The following CMC4 variants were observed in gnomAD, a reference collection of about 807,000 sequenced individuals.
CMC4 encodes cx9C motif-containing protein 4.
A neutral mutation model predicts 5.1 loss-of-function variants in CMC4; 4 were observed. The ratio of observed to expected loss-of-function variants is 0.78; its 90% CI spans 0.38 to 1.78. The LOEUF (loss-of-function observed/expected upper bound fraction) is 1.78, where lower values mean the gene tolerates loss of function less well. CMC4 is among the 40% of genes most tolerant of loss of function. The pLI is 0.04. For synonymous variants in CMC4, 23 were observed against 18.9 expected (o/e 1.22, Z -0.57); for missense variants, 52 against 51.3 (o/e 1.01, Z -0.04).
chrX:155,066,444 A>G (rs1251339383), intron 1 of CMC4, among the ~76,000 whole-genome samples: 2 of 112,550 alleles, frequency 1.8e-5, no homozygotes, highest in Non-Finnish European at 3.8e-5. Context: ...TTTGGCAGGA[A>G]GGCAGTATAA....
chrX:155,064,191 CTG>C, intron 1 of CMC4, 158 bp from the exon 2 acceptor site: 1 of 351,464 alleles, frequency 2.8e-6, no homozygotes, highest in Non-Finnish European at 5.0e-6. Context: ...GATGAATCAA[CTG>C]TATTTTTATA....
chrX:155,067,563 T>G (rs782740029), intron 1 of CMC4, among the ~76,000 whole-genome samples: 1 of 112,334 alleles, frequency 8.9e-6, no homozygotes, highest in East Asian at 2.8e-4. Context: ...CCTATCTTAG[T>G]GCTATTATAG....
chrX:155,068,291 G>C (rs2073956584), intron 1 of CMC4, among the ~76,000 whole-genome samples: 1 of 112,465 alleles, frequency 8.9e-6, no homozygotes, highest in African/African-American at 3.2e-5. Context: ...ATGATGGTCT[G>C]AGTTACTGAG....
intron 1 of CMC4, among the ~76,000 whole-genome samples, chrX:155,068,971 T>C (rs1219165018): frequency 8.9e-6 from 1 of 112,402 alleles, no homozygotes; most frequent in Non-Finnish European, 1.9e-5. Flanking sequence ...GATAACTGCA[T>C]AACTTTATCA....
At chrX:155,064,654 A>C (rs1557291888) in intron 1 of CMC4, 2 of 112,302 alleles carry the variant, frequency 1.8e-5, no homozygotes, top group Non-Finnish European at 1.9e-5. Context: ...CTTCCTGAGA[A>C]AGGTGCCAGT....
At chrX:155,065,261 C>T (rs1602749185) in intron 1 of CMC4, 1 of 432,017 alleles carries the variant, frequency 2.3e-6, no homozygotes, top group East Asian at 3.8e-5. Flanking sequence ...ATGACCCTTG[C>T]TAAACTTCTG....
chrX:155,066,593 T>C (rs2073949232), intron 1 of CMC4, among the ~76,000 whole-genome samples: 1 of 112,181 alleles, frequency 8.9e-6, no homozygotes, highest in Admixed American at 9.4e-5. Context: ...AAATGATCTA[T>C]TTATCAGTTT....
At chrX:155,065,653 T>C (rs782003255) in intron 1 of CMC4, 12 of 1,208,750 alleles carry the variant, frequency 9.9e-6, no homozygotes, top group East Asian at 8.9e-5. Context: ...CAAGCGAGAG[T>C]TGTTATCCAT....
chrX:155,070,071 C>T (rs1371372694), intron 1 of CMC4, among the ~76,000 whole-genome samples: 3 of 112,122 alleles, frequency 2.7e-5, no homozygotes, highest in Non-Finnish European at 5.6e-5. Flanking sequence ...AAAGATGTGC[C>T]ATGTGATCCT....
Position 155,071,073 on chromosome X carries a change from G to C in CMC4, c.-390C>G, listed in dbSNP as rs1439557309. On this transcript the variant is annotated 5_prime_UTR_variant, in exon 1 of 3. Coordinates refer to ENST00000369484, the MANE Select transcript of CMC4 (RefSeq NM_001018024.3). ...GCGCACGGGTCTCCTTAGCGGGCGG[G>C]CAAAATGGGCGCCGGTACTCGGGAG... is the stretch of plus-strand genomic sequence containing the variant. 1 of 111,965 alleles carries C rather than the reference G, an allele frequency of 8.9e-6. No individual in the cohort carries two copies. Among genetic ancestry groups the C allele is most frequent in the Non-Finnish European group, 1.9e-5 (1 of 52,782 alleles). The allele number at this position is 111,965 out of a possible 1,213,427, so 9.2% of individuals were successfully genotyped here.
At chrX:155,068,791 C>T in intron 1 of CMC4, among the ~76,000 whole-genome samples, 1 of 112,423 alleles carries the variant, frequency 8.9e-6, no homozygotes, top group Non-Finnish European at 1.9e-5. Flanking sequence ...TTTATTTGCA[C>T]ATGATACTTG....
chrX:155,065,800 G>C, intron 1 of CMC4: 1 of 1,207,895 alleles, frequency 8.3e-7, no homozygotes, highest in Non-Finnish European at 1.1e-6. Context: ...CTAATGGAAA[G>C]GAATGATCAA....
At position 155,061,887 on chromosome X, in the gene CMC4, T is replaced by C. The variant is rs1557291638; in HGVS notation, c.163A>G (p.Lys55Glu). 8.3e-7 allele frequency: 1 copy of C among 1,211,068 alleles called. No individual in the cohort carries two copies. Among genetic ancestry groups the C allele is most frequent in the Admixed American group, 2.2e-5 (1 of 45,954 alleles). Residue 55 changes from lysine to glutamate, a missense_variant, in exon 3 of 3, where the codon AAA becomes GAA. Lys to Glu is a moderately conservative substitution (Grantham distance 56). Transcript: ENST00000369484. ...GRSVVCSGFE[K>E]EEEENLTRKS... ...CGTGTTAGGTTTTCTTCCTCTTCTT[T>C]TTCAAATCCTGAACAGACGACAGAT...
intron 2 of CMC4, 107 bp from the exon 3 acceptor site, chrX:155,062,098 T>A: frequency 2.5e-6 from 2 of 796,580 alleles, no homozygotes; most frequent in Non-Finnish European, 3.4e-6. Context: ...CCTATGGAAC[T>A]GGAAGAAAGA....
At chrX:155,066,402 TATG>T (rs2073948468) in intron 1 of CMC4, among the ~76,000 whole-genome samples, 1 of 111,990 alleles carries the variant, frequency 8.9e-6, no homozygotes, top group Non-Finnish European at 1.9e-5. Flanking sequence ...AGCAATAGAA[TATG>T]CAAAGAGCGT....
At chrX:155,062,436 G>T (rs1347639365) in intron 2 of CMC4, among the ~76,000 whole-genome samples, 6 of 112,188 alleles carry the variant, frequency 5.3e-5, no homozygotes, top group African/African-American at 1.6e-4. Flanking sequence ...GGTTTTTACA[G>T]CTGGGAGCTA....
Position 155,061,757 on chromosome X carries a change from G to A in CMC4, c.*86C>T. On this transcript the variant is annotated 3_prime_UTR_variant, in exon 3 of 3. Coordinates refer to ENST00000369484, the MANE Select transcript of CMC4 (RefSeq NM_001018024.3). ...ACTTTTGTAGCTGACTTTTTCATTT[G>A]CTATTTGCTGCTACCTGGCCTGAAG... The A allele has an allele frequency of 9.5e-7, 1 of 1,053,097 alleles. No homozygotes were observed. The highest frequency in any genetic ancestry group is 1.3e-6 in the Non-Finnish European group (1 of 782,117). 86.8% of individuals were successfully genotyped at this position (1,053,097 alleles called of 1,213,427 possible).
chrX:155,065,263 A>C (rs1557291923), intron 1 of CMC4: 1 of 432,912 alleles, frequency 2.3e-6, no homozygotes, highest in Non-Finnish European at 4.1e-6. Context: ...GACCCTTGCT[A>C]AACTTCTGTT....
chrX:155,070,314 G>A (rs1466584383), intron 1 of CMC4, among the ~76,000 whole-genome samples: 1 of 111,938 alleles, frequency 8.9e-6, no homozygotes, highest in African/African-American at 3.3e-5. Flanking sequence ...GAACACGGAC[G>A]GGCTGTGGAG....
Sources: gnomAD v4.1 joint callset for allele counts (sites outside exome capture counted in the v4.1 genomes callset) on GRCh38, gnomAD v4.1.1 for gene constraint, MANE v1.5 for transcripts, NCBI Gene and HGNC (gene_info 2026-07-23, HGNC 2026-07-21) for gene names.